LOXL2: variants seen among roughly 807,000 people sequenced by gnomAD.
The protein encoded by LOXL2 is lysyl oxidase like 2.
A neutral mutation model predicts 93.0 loss-of-function variants in LOXL2; 70 were observed. The ratio of observed to expected loss-of-function variants is 0.75; its 90% CI spans 0.62 to 0.92. The LOEUF (loss-of-function observed/expected upper bound fraction) is 0.92. Among genes scored for constraint, LOXL2 ranks in the 40% least tolerant of loss-of-function variants. The pLI is 0.00. For synonymous variants in LOXL2, 438 were observed against 413.2 expected (o/e 1.06, Z -0.73); for missense variants, 973 against 1,054.9 (o/e 0.92, Z 1.08).
chr8:23,378,322 T>C (rs1481916151), intron 1 of LOXL2, among the ~76,000 whole-genome samples: 4 of 152,230 alleles, frequency 2.6e-5, no homozygotes, highest in Non-Finnish European at 5.9e-5. Context: ...GCTAGTCTGA[T>C]GGGTTTCCTT....
At chr8:23,394,147 C>G (rs529043230) in intron 1 of LOXL2, among the ~76,000 whole-genome samples, 1 of 152,082 alleles carries the variant, frequency 6.6e-6, no homozygotes, top group African/African-American at 2.4e-5. Context: ...AATCCTAGCA[C>G]TTTGGGAGGC....
At chr8:23,380,760 T>C (rs1401732081) in intron 1 of LOXL2, among the ~76,000 whole-genome samples, 1 of 152,144 alleles carries the variant, frequency 6.6e-6, no homozygotes, top group Non-Finnish European at 1.5e-5. Flanking sequence ...AAGCCTGTAA[T>C]CCCAGCATTT....
rs11554932 is a variant in LOXL2 at position 23,309,787 on chromosome 8, G to T, written c.1761C>A (p.Thr587=). 4 of 1,603,516 alleles carry T rather than the reference G, an allele frequency of 2.5e-6. No homozygotes were observed. The highest frequency in any genetic ancestry group is 2.7e-5 in the African/African-American group (2 of 74,528). ...GCCGGCGGTAGCCCGTGGTGGGGTC[G>T]GTCTGCGCGGCTGAGGCCGAGAGGC... The part of the protein sequence containing the change: ...ENCLSASAAQ[T]DPTTGYRRLL... Residue 587 remains threonine, a synonymous_variant, in exon 10 of 14, where the codon ACC becomes ACA. Transcript: ENST00000389131.
At chr8:23,385,820 T>C (rs1338337041) in intron 1 of LOXL2, 7 of 625,120 alleles carry the variant, frequency 1.1e-5, no homozygotes, top group Admixed American at 1.0e-4. Context: ...TGCAATATAT[T>C]TCAATATGGA....
chr8:23,354,905 C>A (rs1165356842), intron 3 of LOXL2, among the ~76,000 whole-genome samples: 4 of 147,310 alleles, frequency 2.7e-5, no homozygotes, highest in Non-Finnish European at 4.5e-5. Context: ...CCATCACGCT[C>A]CTCTCCGCCT....
chr8:23,338,940 T>G (rs554864349), intron 4 of LOXL2, among the ~76,000 whole-genome samples: 2 of 152,328 alleles, frequency 1.3e-5, no homozygotes, highest in South Asian at 4.1e-4. Flanking sequence ...CAGGCTCTGC[T>G]GGGTGTGGGC....
At chr8:23,335,009 T>A (rs1803767226) in intron 4 of LOXL2, among the ~76,000 whole-genome samples, 1 of 152,128 alleles carries the variant, frequency 6.6e-6, no homozygotes, top group South Asian at 2.1e-4. Flanking sequence ...AGAGACAGTG[T>A]TTCACCGTGT....
At chr8:23,343,880 C>G (rs1199997311) in intron 3 of LOXL2, among the ~76,000 whole-genome samples, 1 of 152,160 alleles carries the variant, frequency 6.6e-6, no homozygotes, top group Non-Finnish European at 1.5e-5. Flanking sequence ...CTTCCCACCT[C>G]GGGAGGCTGG....
At chr8:23,326,051 C>T (rs1438366181) in intron 6 of LOXL2, among the ~76,000 whole-genome samples, 1 of 152,204 alleles carries the variant, frequency 6.6e-6, no homozygotes, top group African/African-American at 2.4e-5. Flanking sequence ...CCTTTCATGC[C>T]TCGTGGCTGT....
At chr8:23,319,804 T>A in intron 8 of LOXL2, 81 bp downstream of exon 8, 1 of 1,449,174 alleles carries the variant, frequency 6.9e-7, no homozygotes, top group Non-Finnish European at 9.5e-7. Flanking sequence ...GGAGGGTACG[T>A]GGGAGAGGGG....
chr8:23,348,736 G>T (rs759556331), intron 3 of LOXL2, among the ~76,000 whole-genome samples: 1 of 152,090 alleles, frequency 6.6e-6, no homozygotes, highest in Non-Finnish European at 1.5e-5. Context: ...ATTTAGCTGG[G>T]CATGGTGGCG....
At chr8:23,373,746 G>A (rs968392883) in intron 1 of LOXL2, among the ~76,000 whole-genome samples, 4 of 152,048 alleles carry the variant, frequency 2.6e-5, no homozygotes, top group South Asian at 2.1e-4. Flanking sequence ...CTAAAGTTGC[G>A]CAGACGGTAA....
intron 3 of LOXL2, among the ~76,000 whole-genome samples, chr8:23,350,596 T>G (rs1011575790): frequency 6.6e-6 from 1 of 150,572 alleles, no homozygotes; most frequent in African/African-American, 2.5e-5. Context: ...GCTGGTAACA[T>G]TCTTTAGCCT....
chr8:23,325,279 G>A lies in LOXL2; in HGVS notation c.1151-2998C>T, dbSNP rs1212642936. On this transcript the variant is annotated intron_variant, in intron 6 of 13. Transcript: ENST00000389131. ...TACTAGAAAATGCAAAGTTACATGC[G>A]TGGTTCCGGTTCTATTTGTTTTCTT... is the stretch of plus-strand genomic sequence containing the variant. Among the ~76,000 whole-genome samples, 5 of 152,078 alleles carry A rather than the reference G, an allele frequency of 3.3e-5. No homozygotes were observed. In the South Asian group the frequency reaches 6.2e-4, roughly 19 times the overall value.
chr8:23,298,916 T>A lies in LOXL2; in HGVS notation c.2165A>T (p.Glu722Val). 4 of 1,613,560 alleles carry A rather than the reference T, an allele frequency of 2.5e-6. No individual in the cohort carries two copies. Among genetic ancestry groups the A allele is most frequent in the Non-Finnish European group, 3.4e-6 (4 of 1,179,504 alleles). ...VVINPNFEVA[E>V]SDYSNNIMKC... The stretch of plus-strand genomic sequence containing the variant: ...CATGATGTTGTTGGAGTAATCGGAT[T>A]CTGCAACCTCGAAGTTGGGGTTAAT... Residue 722 changes from glutamate (E) to valine (V), a missense_variant, in exon 13 of 14, where the codon GAA (glutamate) becomes GTA (valine). Transcript: ENST00000389131.
intron 9 of LOXL2, among the ~76,000 whole-genome samples, chr8:23,313,465 C>T (rs1182218147): frequency 2.2e-4 from 33 of 151,940 alleles, no homozygotes; most frequent in South Asian, 6.3e-4. Flanking sequence ...ATCAATGGAA[C>T]AGAACAGAGC....
rs1318338544 is a variant in LOXL2, at chr8:23,354,967, T to A, written c.531+5123A>T. On this transcript the variant is annotated intron_variant, in intron 3 of 13. Coordinates refer to ENST00000389131, the MANE Select transcript of LOXL2 (RefSeq NM_002318.3). The stretch of plus-strand genomic sequence containing the variant: ...TATATATATTTTTTTTTTTTTTTTT[T>A]TTTTTTTTTTGAGACAGTTTTGCTC... 5.4e-4 allele frequency among the ~76,000 whole-genome samples: 62 copies of A among 115,526 alleles called. 1 individual carries two copies. Among genetic ancestry groups the A allele is most frequent in the African/African-American group, 1.9e-3 (56 of 29,230 alleles). 75.8% of individuals were successfully genotyped at this position (115,526 alleles called of 152,430 possible).
chr8:23,314,197 A>G (rs1803358109), intron 9 of LOXL2, among the ~76,000 whole-genome samples: 1 of 151,732 alleles, frequency 6.6e-6, no homozygotes, highest in Non-Finnish European at 1.5e-5. Context: ...TGTTGGTGGG[A>G]CTGTAAACTA....
intron 3 of LOXL2, among the ~76,000 whole-genome samples, chr8:23,359,147 C>T (rs530781836): frequency 5.3e-4 from 81 of 151,920 alleles, no homozygotes; most frequent in African/African-American, 1.8e-3. Flanking sequence ...CCCCCGCGCC[C>T]GACCCAGTAC....
Sources: gnomAD v4.1 joint callset for allele counts (sites outside exome capture counted in the v4.1 genomes callset) on GRCh38, gnomAD v4.1.1 for gene constraint, MANE v1.5 for transcripts, NCBI Gene and HGNC (gene_info 2026-07-23, HGNC 2026-07-21) for gene names.